The following MYLK variants were observed in gnomAD, a reference collection of about 807,000 sequenced individuals.
The protein encoded by MYLK is myosin light chain kinase, smooth muscle.
Under a neutral mutation model 203.4 loss-of-function variants are expected in MYLK, and 106 were observed. That is an observed-to-expected ratio of 0.52 (90% confidence interval 0.45 to 0.61). The LOEUF is 0.61. MYLK is among the 20% of genes least tolerant of loss of function. MYLK has a pLI of 0.00. For synonymous variants in MYLK, 867 were observed against 959.5 expected, an observed-to-expected ratio of 0.90 and a Z score of 1.78; for missense variants, 2,072 against 2,442.3, an observed-to-expected ratio of 0.85 and a Z score of 3.20.
At chr3:123,685,547 G>A (rs1204611526) in intron 19 of MYLK, among the ~76,000 whole-genome samples, 3 of 148,476 alleles carry the variant, frequency 2.0e-5, no homozygotes, top group Admixed American at 6.8e-5. Flanking sequence ...TGATCGTGCC[G>A]CTGCAGTGAT....
At chr3:123,645,403 A>G (rs2058980163) in intron 27 of MYLK, among the ~76,000 whole-genome samples, 3 of 152,188 alleles carry the variant, frequency 2.0e-5, no homozygotes, top group Non-Finnish European at 1.5e-5. Flanking sequence ...ATGAGGGGAG[A>G]GAAAAGACTA....
intron 3 of MYLK, among the ~76,000 whole-genome samples, chr3:123,809,983 T>C (rs1284191748): frequency 1.3e-5 from 2 of 152,192 alleles, no homozygotes; most frequent in South Asian, 2.1e-4. Context: ...ATTGAGAAGA[T>C]GGGACTCTCC....
rs936398068 is a variant in MYLK, at chr3:123,611,301, A to G, written c.*2804T>C. On this transcript the variant is annotated 3_prime_UTR_variant, in exon 34 of 34. Coordinates refer to ENST00000360304, the MANE Select transcript of MYLK (RefSeq NM_053025.4). ...CTTGCCATCTGATATCTGATAACAG[A>G]CTTCCTGTAAAGCAGGACTGGTAGT... 24 of 152,214 alleles carry G rather than the reference A, an allele frequency of 1.6e-4. No homozygotes were observed. Among genetic ancestry groups the G allele is most frequent in the African/African-American group, 5.5e-4 (23 of 41,452 alleles). The allele number at this position is 152,214 out of a possible 1,614,324, so 9.4% of individuals were successfully genotyped here.
chr3:123,718,497 A>G (rs977248623), intron 13 of MYLK, among the ~76,000 whole-genome samples: 2 of 152,126 alleles, frequency 1.3e-5, no homozygotes, highest in African/African-American at 4.8e-5. Context: ...TTCTGAACTC[A>G]CTTTCTATCA....
At chr3:123,623,118 A>T (rs1449891407) in intron 31 of MYLK, 1 of 152,320 alleles carries the variant, frequency 6.6e-6, no homozygotes. Context: ...ACATACATAC[A>T]GCAAGCTGGT....
intron 23 of MYLK, among the ~76,000 whole-genome samples, chr3:123,661,670 C>T (rs1302429372): frequency 1.3e-5 from 2 of 152,102 alleles, no homozygotes; most frequent in Admixed American, 6.5e-5. Flanking sequence ...GGGTGACGGA[C>T]ACTGAGAAAT....
intron 19 of MYLK, among the ~76,000 whole-genome samples, chr3:123,687,922 C>T (rs2108494440): frequency 6.6e-6 from 1 of 152,308 alleles, no homozygotes; most frequent in South Asian, 2.1e-4. Context: ...TCACCTGCTT[C>T]TCAAAGTGTT....
At chr3:123,747,173 G>A (rs946250341) in intron 5 of MYLK, among the ~76,000 whole-genome samples, 6 of 152,176 alleles carry the variant, frequency 3.9e-5, no homozygotes, top group African/African-American at 1.4e-4. Flanking sequence ...AATTCAAGGT[G>A]GCCCGAGAAT....
At chr3:123,815,336 T>C (rs1256283864) in intron 3 of MYLK, among the ~76,000 whole-genome samples, 1 of 152,184 alleles carries the variant, frequency 6.6e-6, no homozygotes, top group African/African-American at 2.4e-5. Flanking sequence ...CAGGGATTCC[T>C]ACATGGTTTG....
intron 13 of MYLK, among the ~76,000 whole-genome samples, chr3:123,719,051 G>C (rs1371895269): frequency 6.9e-4 from 105 of 152,326 alleles, no homozygotes; most frequent in Non-Finnish European, 1.2e-4. Context: ...GAAGAAGAGA[G>C]TCACTGAGGA....
intron 3 of MYLK, among the ~76,000 whole-genome samples, chr3:123,798,730 T>C (rs1377353077): frequency 1.3e-5 from 2 of 150,576 alleles, no homozygotes; most frequent in Admixed American, 6.6e-5. Context: ...TGGGGGAGAG[T>C]TACTCAACTA....
At chr3:123,749,946 A>T (rs558120176) in intron 5 of MYLK, among the ~76,000 whole-genome samples, 36 of 152,348 alleles carry the variant, frequency 2.4e-4, no homozygotes, top group African/African-American at 7.9e-4. Context: ...ACTCCAAGTA[A>T]GAAGCATAGC....
Position 123,642,561 on chromosome 3 carries a change from T to C in MYLK, c.4620-2057A>G, listed in dbSNP as rs1192385531. On this transcript the variant is annotated intron_variant, in intron 27 of 33. Transcript: ENST00000360304. This position sits in a 1 kb window ranked among gnomAD's most constrained non-coding sequence, Gnocchi z 4.2. ...CTGGAGGGAGCTAGAACTCATACTT[T>C]AAAACCCATCTGAGAAGAAGGTCCC... Among the ~76,000 whole-genome samples, 1 of 152,174 alleles carries C rather than the reference T, an allele frequency of 6.6e-6. No homozygotes were observed. Among genetic ancestry groups the C allele is most frequent in the African/African-American group, 2.4e-5 (1 of 41,440 alleles).
chr3:123,857,297 G>A lies in MYLK; in HGVS notation c.-127+19262C>T, dbSNP rs905169225. Among the ~76,000 whole-genome samples, 906 of 152,194 alleles carry A rather than the reference G, an allele frequency of 6.0e-3. 10 individuals carry two copies. The highest frequency in any genetic ancestry group is 0.021 in the African/African-American group (872 of 41,484). On this transcript the variant is annotated intron_variant, in intron 2 of 33. Transcript: ENST00000360304. ...TTTGACCCAGTCATCCCATTACTGG[G>A]TATATACCCAAAGGACTATAAATCA...
chr3:123,810,625 T>C (rs1192232637), intron 3 of MYLK, among the ~76,000 whole-genome samples: 1 of 152,210 alleles, frequency 6.6e-6, no homozygotes, highest in Admixed American at 6.5e-5. Context: ...CCCAACAGGC[T>C]CAGGACAGTT....
In MYLK at chr3:123,700,864, G is replaced by A. The variant is rs372924929; in HGVS notation, c.2604C>T (p.Asp868=). ...QGWLEEEDGE[D]VRGVLKRRVE... is the part of the protein sequence containing the mutation. The stretch of plus-strand genomic sequence containing the variant: ...CGCGCCTCTTCAGCACCCCTCGCAC[G>A]TCCTCGCCGTCTTCCTCCTCTAGCC... The change falls in exon 18 of 34, where the codon GAC becomes GAT. Residue 868 remains aspartate, a synonymous_variant. Transcript: ENST00000360304. The A allele has an allele frequency of 5.1e-5, 83 of 1,613,434 alleles. No individual in the cohort carries two copies. The East Asian group carries it at 1.6e-3, about 32-fold the overall frequency.
At chr3:123,715,890 C>T (rs1028685605) in intron 13 of MYLK, 1 of 152,172 alleles carries the variant, frequency 6.6e-6, no homozygotes, top group Non-Finnish European at 1.5e-5. Context: ...TTTCTGAAGC[C>T]CCAAGGTCCT....
chr3:123,660,474 C>T lies in MYLK; in HGVS notation c.3986-3046G>A, dbSNP rs550491632. ...GGGTATGCTGCTCACTGTCCCCTCC[C>T]TTATTCCCCACAGGCCAAGACCAGG... On this transcript the variant is annotated intron_variant, in intron 23 of 33. Transcript: ENST00000360304. 2.0e-5 allele frequency among the ~76,000 whole-genome samples: 3 copies of T among 152,298 alleles called. No homozygotes were observed. In the South Asian group the frequency reaches 6.2e-4, roughly 32 times the overall value.
intron 2 of MYLK, among the ~76,000 whole-genome samples, chr3:123,843,713 CAGGA>C (rs2066647187): frequency 6.6e-6 from 1 of 152,168 alleles, no homozygotes; most frequent in South Asian, 2.1e-4. Context: ...CAGCAAGAAA[CAGGA>C]AGGAAGGGGA....
Sources: allele counts gnomAD v4.1 joint callset (sites outside exome capture counted in the v4.1 genomes callset), GRCh38; gene constraint gnomAD v4.1.1; non-coding constraint Gnocchi (gnomAD v3.1); transcripts MANE v1.5; gene names NCBI Gene and HGNC (gene_info 2026-07-23, HGNC 2026-07-21).